SCG3: variants seen among roughly 807,000 people sequenced by gnomAD.
The protein encoded by SCG3 is secretogranin-3.
SCG3 carries 38 observed loss-of-function variants against 56.2 expected under a neutral mutation model. That is an observed-to-expected ratio of 0.68 (90% CI 0.52 to 0.89). The LOEUF (loss-of-function observed/expected upper bound fraction) is 0.89, where lower values mean the gene tolerates loss of function less well. Among genes scored for constraint, SCG3 ranks in the 40% least tolerant of loss-of-function variants. The pLI is 0.00. For missense variants in SCG3, 524 were observed against 540.7 expected (o/e 0.97, Z 0.31); for synonymous variants, 176 against 184.2 (o/e 0.96, Z 0.36).
chr15:51,689,123 A>T, intron 5 of SCG3, 96 bp from the exon 6 acceptor site: 2 of 1,322,612 alleles, frequency 1.5e-6, no homozygotes, highest in Non-Finnish European at 2.1e-6. Context: ...ATTCCTCTTT[A>T]AAAAATACAT....
intron 6 of SCG3, among the ~76,000 whole-genome samples, chr15:51,690,839 T>C (rs1016680711): frequency 3.3e-5 from 5 of 152,172 alleles, no homozygotes; most frequent in East Asian, 1.9e-4. Flanking sequence ...AAATGAAATA[T>C]TATTTCAACA....
chr15:51,713,770 A>T (rs2055436179), intron 11 of SCG3, among the ~76,000 whole-genome samples: 1 of 152,176 alleles, frequency 6.6e-6, no homozygotes, highest in African/African-American at 2.4e-5. Flanking sequence ...ATTTTAAACA[A>T]AGGCATTTTC....
rs2055243081 is a variant in SCG3, at chr15:51,688,356, GA to G, written c.495del (p.Ala166ProfsTer28). The stretch of plus-strand genomic sequence containing the variant: ...GCCAGGATTTATGAAGAAAATGACA[GA>G]GCCGTGTTTGACAAGATTGTTTCTA... ...IAARIYEEND[R>X]AVFDKIVSKL... On this transcript the variant is annotated frameshift_variant, in exon 5 of 12. Transcript: ENST00000220478. LOFTEE classifies it high-confidence loss of function. The G allele has an allele frequency of 6.2e-7, 1 of 1,613,736 alleles. No individual in the cohort carries two copies. Among genetic ancestry groups the G allele is most frequent in the Non-Finnish European group, 8.5e-7 (1 of 1,179,834 alleles).
At chr15:51,706,985 A>G (rs1021050772) in intron 10 of SCG3, among the ~76,000 whole-genome samples, 5 of 152,234 alleles carry the variant, frequency 3.3e-5, no homozygotes, top group African/African-American at 1.2e-4. Context: ...AACCAAATCT[A>G]TAAAGTTGCT....
At chr15:51,699,468 C>A (rs2055326192) in intron 9 of SCG3, 66 bp downstream of exon 9, 2 of 991,920 alleles carry the variant, frequency 2.0e-6, no homozygotes, top group Non-Finnish European at 1.5e-6. Context: ...AAATAATGAA[C>A]TTTAATAAAC....
chr15:51,706,042 A>G (rs2055372663), intron 10 of SCG3, among the ~76,000 whole-genome samples: 1 of 152,252 alleles, frequency 6.6e-6, no homozygotes, highest in South Asian at 2.1e-4. Flanking sequence ...AAAAAAATGT[A>G]TTAATCCCCA....
At chr15:51,711,795 G>C (rs948844204) in intron 10 of SCG3, among the ~76,000 whole-genome samples, 4 of 152,106 alleles carry the variant, frequency 2.6e-5, no homozygotes, top group African/African-American at 9.7e-5. Context: ...AGTAAATAAG[G>C]ACTAAAAATT....
At chr15:51,683,153 T>C in intron 3 of SCG3, 29 bp downstream of exon 3, 1 of 1,601,506 alleles carries the variant, frequency 6.2e-7, no homozygotes, top group South Asian at 1.1e-5. Context: ...GATGTTAATT[T>C]AAATAATGTA....
At chr15:51,700,569 T>C (rs754274086) in intron 9 of SCG3, among the ~76,000 whole-genome samples, 18 of 151,622 alleles carry the variant, frequency 1.2e-4, no homozygotes, top group Non-Finnish European at 2.1e-4. Context: ...GGTAAAGGAG[T>C]GTGAAGAAAG....
chr15:51,708,040 A>T (rs945500140), intron 10 of SCG3: 1 of 152,226 alleles, frequency 6.6e-6, no homozygotes, highest in Non-Finnish European at 1.5e-5. Flanking sequence ...TTTTTCTCAC[A>T]GTGTAAAAAC....
At chr15:51,713,525 C>A in intron 11 of SCG3, 112 bp downstream of exon 11, 1 of 604,374 alleles carries the variant, frequency 1.7e-6, no homozygotes, top group Admixed American at 3.8e-5. Flanking sequence ...CCGCAGAGCC[C>A]AAAAAAGACT....
intron 7 of SCG3, among the ~76,000 whole-genome samples, chr15:51,692,732 T>C (rs1389947454): frequency 6.6e-6 from 1 of 152,216 alleles, no homozygotes; most frequent in Admixed American, 6.5e-5. Flanking sequence ...TTGATTGAGG[T>C]ATAATTGGCA....
intron 10 of SCG3, among the ~76,000 whole-genome samples, chr15:51,710,162 T>G (rs894029365): frequency 5.3e-5 from 8 of 152,142 alleles, no homozygotes; most frequent in African/African-American, 1.9e-4. Flanking sequence ...AAATATTTCT[T>G]GAGAGCTTAC....
chr15:51,704,121 G>GT (rs2055355189), intron 10 of SCG3, among the ~76,000 whole-genome samples: 2 of 151,328 alleles, frequency 1.3e-5, no homozygotes, highest in Non-Finnish European at 2.9e-5. Context: ...TGTGTGCCAT[G>GT]TTTGGGGACC....
chr15:51,694,716 G>C (rs1339796716), intron 7 of SCG3, among the ~76,000 whole-genome samples: 1 of 152,102 alleles, frequency 6.6e-6, no homozygotes, highest in Non-Finnish European at 1.5e-5. Flanking sequence ...TCAAGATGCA[G>C]AACAGAATGT....
At chr15:51,702,083 TA>T (rs145049638) in intron 10 of SCG3, among the ~76,000 whole-genome samples, 191 of 152,092 alleles carry the variant, frequency 1.3e-3, no homozygotes, top group African/African-American at 4.1e-3. Context: ...TAAAGTATAA[TA>T]AAAAAAATTT....
In SCG3 at chr15:51,681,734, G is replaced by A; in HGVS notation, c.-22G>A. ...CTCCAGGAGCCCAGCGCCGGGCTGT[G>A]ACCCAAGCCGAGCGTGGAAGAATGG... is the stretch of plus-strand genomic sequence containing the variant. On this transcript the variant is annotated 5_prime_UTR_variant, in exon 1 of 12. Transcript: ENST00000220478. The A allele has an allele frequency of 6.2e-7, 1 of 1,605,926 alleles. No individual in the cohort carries two copies. The highest frequency in any genetic ancestry group is 1.1e-5 in the South Asian group (1 of 90,780).
chr15:51,703,141 G>C (rs2055349640), intron 10 of SCG3, among the ~76,000 whole-genome samples: 1 of 152,034 alleles, frequency 6.6e-6, no homozygotes, highest in East Asian at 1.9e-4. Context: ...ACTTTTTCTT[G>C]TTCCTTGTTA....
chr15:51,695,902 T>G lies in SCG3; in HGVS notation c.896T>G (p.Leu299Arg). Reference sequence around the variant, plus strand: ...AAAGAAGCAAAAGAGAAAGAAACACTGATTACTATCATGAAAACACTGATT... The same window carrying G: ...AAAGAAGCAAAAGAGAAAGAAACACGGATTACTATCATGAAAACACTGATT... Reference protein sequence around the residue: ...SEKEAKEKETLITIMKTLIDF... With the variant: ...SEKEAKEKETRITIMKTLIDF... The change falls in exon 8 of 12, where the codon CTG becomes CGG. Residue 299 changes from leucine to arginine, a missense_variant. Transcript: ENST00000220478. The G allele has an allele frequency of 6.2e-7, 1 of 1,606,656 alleles. No homozygotes were observed. The highest frequency in any genetic ancestry group is 8.5e-7 in the Non-Finnish European group (1 of 1,174,068).
Sources: gnomAD v4.1 joint callset for allele counts (sites outside exome capture counted in the v4.1 genomes callset) on GRCh38, gnomAD v4.1.1 for gene constraint, MANE v1.5 for transcripts, NCBI Gene and HGNC (gene_info 2026-07-23, HGNC 2026-07-21) for gene names.